The following SELPLG variants were observed in gnomAD, a reference collection of about 807,000 sequenced individuals.
SELPLG encodes P-selectin glycoprotein ligand 1.
SELPLG carries 2 observed loss-of-function variants against 1.1 expected under a neutral mutation model. The ratio of observed to expected loss-of-function variants is 1.82; its 90% CI spans 0.74 to 5.71. The LOEUF (loss-of-function observed/expected upper bound fraction) is 5.71, where lower values mean the gene tolerates loss of function less well. Ranked by LOEUF, SELPLG falls within the 30% of genes most tolerant of loss-of-function variation. The pLI, the probability that SELPLG is intolerant of heterozygous loss-of-function variation, is 0.05. For missense variants in SELPLG, 478 were observed against 524.7 expected, an observed-to-expected ratio of 0.91 and a Z score of 0.87; for synonymous variants, 230 against 221.2, an observed-to-expected ratio of 1.04 and a Z score of -0.35.
At chr12:108,631,758 A>G in intron 1 of SELPLG, 1 of 869,514 alleles carries the variant, frequency 1.2e-6, no homozygotes, top group Non-Finnish European at 1.8e-6. Context: ...ATTCAATGAG[A>G]CCTACATCTG....
At chr12:108,632,449 C>T (rs1592824002) in intron 1 of SELPLG, among the ~76,000 whole-genome samples, 1 of 150,890 alleles carries the variant, frequency 6.6e-6, no homozygotes, top group Admixed American at 6.6e-5. Flanking sequence ...CAGCAGGGCA[C>T]AACTGGCCCC....
At chr12:108,631,830 A>T (rs2032060800) in intron 1 of SELPLG, 10 of 1,464,622 alleles carry the variant, frequency 6.8e-6, no homozygotes, top group Non-Finnish European at 9.2e-6. Context: ...AGACAGATTA[A>T]CAAACACAGA....
intron 1 of SELPLG, 47 bp downstream of exon 1, chr12:108,633,693 A>G (rs2032101091): frequency 6.6e-6 from 1 of 152,238 alleles, no homozygotes; most frequent in Admixed American, 6.5e-5. Context: ...CCCTTGGCCC[A>G]TGGGGACCTC....
At chr12:108,628,770 A>G (rs1592821276) in intron 1 of SELPLG, 1 of 152,192 alleles carries the variant, frequency 6.6e-6, no homozygotes, top group Admixed American at 6.5e-5. Flanking sequence ...ACTGTTGCCC[A>G]CCCTTCCCCT....
At chr12:108,630,021 G>A (rs1467941527) in intron 1 of SELPLG, among the ~76,000 whole-genome samples, 2 of 152,190 alleles carry the variant, frequency 1.3e-5, no homozygotes, top group African/African-American at 2.4e-5. Context: ...GGCCCGGAGC[G>A]GCGGGATCAC....
chr12:108,630,454 C>G (rs1490390979), intron 1 of SELPLG, among the ~76,000 whole-genome samples: 2 of 152,212 alleles, frequency 1.3e-5, no homozygotes, highest in Non-Finnish European at 1.5e-5. Flanking sequence ...CTGAGCATCT[C>G]AGGGTTTGGG....
At position 108,623,872 on chromosome 12, in the gene SELPLG, G is replaced by A. The variant is rs2031880368; in HGVS notation, c.436C>T (p.Leu146=). 1 of 1,561,280 alleles carries A rather than the reference G, an allele frequency of 6.4e-7. No individual in the cohort carries two copies. Among genetic ancestry groups the A allele is most frequent in the African/African-American group, 1.4e-5 (1 of 71,304 alleles). ...GTTGTCTGTGCCTCTGTGGCTGCCA[G>A]TGGAGTGGTCTGTGCCTCCGTGGGC... The part of the protein sequence containing the change: ...PVPTEAQTTP[L]AATEAQTTRL... Residue 146 remains leucine (L), a synonymous_variant, in exon 2 of 2, where the codon CTG becomes TTG. Transcript: ENST00000550948.
At chr12:108,628,008 G>T (rs139539591) in intron 1 of SELPLG, among the ~76,000 whole-genome samples, 4 of 152,238 alleles carry the variant, frequency 2.6e-5, no homozygotes, top group Non-Finnish European at 5.9e-5. Flanking sequence ...TGAGCCTGGA[G>T]AGATTGAGGC....
chr12:108,626,797 G>A (rs182562198), intron 1 of SELPLG, among the ~76,000 whole-genome samples: 40 of 151,982 alleles, frequency 2.6e-4, no homozygotes, highest in Admixed American at 2.6e-4. Context: ...CACCACACCC[G>A]ACCCACATCT....
intron 1 of SELPLG, among the ~76,000 whole-genome samples, chr12:108,627,452 A>C (rs572537368): frequency 6.6e-6 from 1 of 152,276 alleles, no homozygotes; most frequent in South Asian, 2.1e-4. Flanking sequence ...TGCAGGGCAT[A>C]GGGTTGAAAG....
chr12:108,626,823 G>A (rs1298897299), intron 1 of SELPLG, among the ~76,000 whole-genome samples: 3 of 152,164 alleles, frequency 2.0e-5, no homozygotes, highest in Non-Finnish European at 4.4e-5. Context: ...TAATTTCTTA[G>A]GCCAGGTGCA....
At chr12:108,629,114 C>T (rs2031998326) in intron 1 of SELPLG, among the ~76,000 whole-genome samples, 1 of 152,158 alleles carries the variant, frequency 6.6e-6, no homozygotes, top group South Asian at 2.1e-4. Flanking sequence ...CTCTACCTCC[C>T]CTGTGGGTGT....
chr12:108,626,128 C>CTTTTTTTTTTTTTTTTTT (rs573374699), intron 1 of SELPLG, among the ~76,000 whole-genome samples: 1 of 125,748 alleles, frequency 8.0e-6, no homozygotes, highest in Non-Finnish European at 1.7e-5. Context: ...GGTTTCTTTT[C>CTTTTTTTTTTTTTTTTTT]TTTTTTTTTT....
chr12:108,632,056 C>T (rs376753135), intron 1 of SELPLG: 25 of 790,898 alleles, frequency 3.2e-5, no homozygotes, highest in East Asian at 1.6e-4. Flanking sequence ...GCACTGTCCA[C>T]CCTCCAAGGT....
Position 108,623,766 on chromosome 12 carries a change from G to C in SELPLG, c.542C>G (p.Ala181Gly). Reference protein sequence around the residue: ...AQTTPPAATEAQTTQPTGLEA... With the variant: ...AQTTPPAATEGQTTQPTGLEA... ...CAGGCCTGTGGGTTGAGTGGTCTGT[G>C]CTTCCGTGGCTGCTGGTGGAGTGGT... The change falls in exon 2 of 2, where the codon GCA (alanine) becomes GGA (glycine). Residue 181 changes from alanine to glycine, a missense_variant. Physicochemically the swap from Ala to Gly is moderately conservative, Grantham distance 60. Coordinates refer to ENST00000550948, the MANE Select transcript of SELPLG (RefSeq NM_003006.4). 6.2e-7 allele frequency: 1 copy of C among 1,613,110 alleles called. No individual in the cohort carries two copies. Among genetic ancestry groups the C allele is most frequent in the Non-Finnish European group, 8.5e-7 (1 of 1,179,636 alleles).
At chr12:108,624,438 A>C (rs1260911410) in intron 1 of SELPLG, 126 bp from the exon 2 acceptor site, 4 of 809,944 alleles carry the variant, frequency 4.9e-6, no homozygotes, top group African/African-American at 1.7e-5. Flanking sequence ...GGGACTGGGG[A>C]CTTAGGCATC....
chr12:108,633,072 C>G (rs1263426276), intron 1 of SELPLG, among the ~76,000 whole-genome samples: 3 of 152,144 alleles, frequency 2.0e-5, no homozygotes, highest in Admixed American at 2.0e-4. Context: ...AATCCCTTCA[C>G]CTCTCCCGAC....
chr12:108,631,600 T>G (rs868175924), intron 1 of SELPLG, among the ~76,000 whole-genome samples: 2 of 152,266 alleles, frequency 1.3e-5, no homozygotes, highest in Middle Eastern at 6.8e-3. Flanking sequence ...TGTTTAATGT[T>G]TGGTGGCTTG....
Position 108,623,873 on chromosome 12 carries a change from TGG to T in SELPLG, c.433_434del (p.Pro145ThrfsTer211). ...TTGTCTGTGCCTCTGTGGCTGCCAG[TGG>T]AGTGGTCTGTGCCTCCGTGGGCACT... ...QPVPTEAQTT[P>X]LAATEAQTTR... On this transcript the variant is annotated frameshift_variant, in exon 2 of 2. Coordinates refer to ENST00000550948, the MANE Select transcript of SELPLG (RefSeq NM_003006.4). LOFTEE classifies it low-confidence loss of function (END_TRUNC). 7 of 1,561,392 alleles carry T rather than the reference TGG, an allele frequency of 4.5e-6. No homozygotes were observed. Among genetic ancestry groups the T allele is most frequent in the Non-Finnish European group, 6.1e-6 (7 of 1,150,874 alleles).
Sources: gnomAD v4.1 joint callset for allele counts (sites outside exome capture counted in the v4.1 genomes callset) on GRCh38, gnomAD v4.1.1 for gene constraint, MANE v1.5 for transcripts, NCBI Gene and HGNC (gene_info 2026-07-23, HGNC 2026-07-21) for gene names.